The following GPHN variants were observed in gnomAD, a reference collection of about 807,000 sequenced individuals.
The protein encoded by GPHN is gephyrin.
GPHN carries 17 observed loss-of-function variants against 95.5 expected under a neutral mutation model. That is an observed-to-expected ratio of 0.18 (90% CI 0.12 to 0.27). The LOEUF is 0.27. Among genes scored for constraint, GPHN ranks in the 10% least tolerant of loss-of-function variants. GPHN has a pLI of 1.00. For missense variants in GPHN, 660 were observed against 978.1 expected (o/e 0.67, Z 4.34); for synonymous variants, 320 against 322.5 (o/e 0.99, Z 0.08).
the GPHN span, among the ~76,000 whole-genome samples, chr14:67,706,468 C>T: frequency 3.9e-5 from 6 of 152,104 alleles, no homozygotes; most frequent in East Asian, 5.8e-4. Flanking sequence ...TAGGGAGACA[C>T]GGGACATCAA....
At chr14:66,663,439 T>C (rs940781026) in intron 1 of GPHN, among the ~76,000 whole-genome samples, 10 of 152,208 alleles carry the variant, frequency 6.6e-5, no homozygotes, top group African/African-American at 2.4e-4. Flanking sequence ...GGAAATTTGT[T>C]ACCACCACAC....
intron 21 of GPHN, among the ~76,000 whole-genome samples, chr14:67,173,799 C>G (rs1292302028): frequency 6.6e-6 from 1 of 151,716 alleles, no homozygotes; most frequent in South Asian, 2.1e-4. Context: ...TATATACAGA[C>G]AAGTCAACAG....
At chr14:66,549,402 A>T (rs554289406) in intron 1 of GPHN, among the ~76,000 whole-genome samples, 4 of 152,362 alleles carry the variant, frequency 2.6e-5, no homozygotes. Context: ...CATTTTGTTA[A>T]GCCAAAGCTT....
chr14:67,231,277 T>C, the GPHN span, among the ~76,000 whole-genome samples: 1 of 152,332 alleles, frequency 6.6e-6, no homozygotes, highest in East Asian at 1.9e-4. Flanking sequence ...GCCAGGAGGA[T>C]ATTGACTGCA....
At chr14:66,551,994 C>T (rs1464989520) in intron 1 of GPHN, among the ~76,000 whole-genome samples, 2 of 152,132 alleles carry the variant, frequency 1.3e-5, no homozygotes, top group Non-Finnish European at 2.9e-5. Flanking sequence ...CAAAGAGAAA[C>T]CAACCTTTAT....
chr14:66,697,665 T>TC (rs1178186251), intron 2 of GPHN, among the ~76,000 whole-genome samples: 3 of 135,188 alleles, frequency 2.2e-5, no homozygotes, highest in Non-Finnish European at 4.5e-5. Context: ...CTACTTGCCT[T>TC]TTTTTTTTTT....
the GPHN span, chr14:67,571,506 A>G: frequency 2.3e-6 from 1 of 427,362 alleles, no homozygotes; most frequent in African/African-American, 1.9e-5. Flanking sequence ...GCAGGCATTC[A>G]GTCGTGATGG....
intron 5 of GPHN, among the ~76,000 whole-genome samples, chr14:66,904,615 C>G (rs183631921): frequency 2.0e-5 from 3 of 152,286 alleles, no homozygotes; most frequent in African/African-American, 4.8e-5. Context: ...CTTCACCTCT[C>G]AATGCCCCCT....
chr14:67,040,900 C>A (rs753290722), intron 10 of GPHN, among the ~76,000 whole-genome samples: 15 of 152,148 alleles, frequency 9.9e-5, no homozygotes, highest in Non-Finnish European at 1.8e-4. Flanking sequence ...TGCGAGATTT[C>A]TCCACTGTAG....
chr14:67,714,095 A>T, the GPHN span, among the ~76,000 whole-genome samples: 832 of 152,234 alleles, frequency 5.5e-3, 10 homozygotes, highest in African/African-American at 0.019. Context: ...TATTAGATTT[A>T]AAAAAATTGT....
rs1313583984 is a variant in GPHN, at chr14:66,527,265, G to A, written c.64+18674G>A. Among the ~76,000 whole-genome samples the A allele has an allele frequency of 3.9e-5, 6 of 152,120 alleles. No individual in the cohort carries two copies. In the South Asian group the frequency reaches 6.2e-4, roughly 16 times the overall value. Reference sequence around the variant, plus strand: ...TTTTCTAGTTTATTTGCATAGAGGCGTTTATAGTATTCTCTGATGGTAGTT... The same window carrying A: ...TTTTCTAGTTTATTTGCATAGAGGCATTTATAGTATTCTCTGATGGTAGTT... On this transcript the variant is annotated intron_variant, in intron 1 of 22. Coordinates refer to ENST00000478722, the MANE Select transcript of GPHN (RefSeq NM_020806.5).
At position 67,065,221 on chromosome 14, in the gene GPHN, G is replaced by A. The variant is rs568226291; in HGVS notation, c.1144+6435G>A. Among the ~76,000 whole-genome samples the A allele has an allele frequency of 1.1e-4, 17 of 152,278 alleles. No homozygotes were observed. In the South Asian group the frequency reaches 3.3e-3, roughly 30 times the overall value. On this transcript the variant is annotated intron_variant, in intron 11 of 22. Coordinates refer to ENST00000478722, the MANE Select transcript of GPHN (RefSeq NM_020806.5). ...TAGTCATTCAGGAGCAGGTTGTTCA[G>A]TTTCCATGTGCTTGTGCGGTTTTGA...
intron 2 of GPHN, among the ~76,000 whole-genome samples, chr14:66,693,469 G>A (rs565868657): frequency 1.3e-5 from 2 of 152,264 alleles, no homozygotes; most frequent in African/African-American, 4.8e-5. Context: ...TATACATACG[G>A]GATTTATTAG....
Position 66,868,858 on chromosome 14 carries a change from C to T in GPHN, c.295-11081C>T, listed in dbSNP as rs922832403. On this transcript the variant is annotated intron_variant, in intron 4 of 22. Transcript: ENST00000478722. ...TACAGCTTAGCAGTCTTTGAAGCGT[C>T]TTTCTGACTTTAATGTTGTCCTCAA... Among the ~76,000 whole-genome samples the T allele has an allele frequency of 2.0e-5, 3 of 152,048 alleles. No homozygotes were observed. In the South Asian group the frequency reaches 6.2e-4, roughly 31 times the overall value.
At chr14:66,949,483 A>G (rs1014145346) in intron 8 of GPHN, among the ~76,000 whole-genome samples, 1 of 152,184 alleles carries the variant, frequency 6.6e-6, no homozygotes, top group Non-Finnish European at 1.5e-5. Flanking sequence ...GCCTACCTTA[A>G]TGATCTCTAA....
intron 9 of GPHN, among the ~76,000 whole-genome samples, chr14:66,980,248 T>C (rs112722988): frequency 0.015 from 2,305 of 152,248 alleles, 33 homozygotes; most frequent in Non-Finnish European, 0.018. Context: ...TTGTAAAAAA[T>C]GCAATTATCC....
chr14:67,429,380 A>G, the GPHN span, among the ~76,000 whole-genome samples: 5 of 151,250 alleles, frequency 3.3e-5, no homozygotes, highest in Admixed American at 3.3e-4. Context: ...ACAGGCACCC[A>G]CCACCACGCC....
chr14:67,395,016 A>G, the GPHN span, among the ~76,000 whole-genome samples: 1 of 152,254 alleles, frequency 6.6e-6, no homozygotes, highest in African/African-American at 2.4e-5. Context: ...CTATAATGAT[A>G]AGAAATAAAT....
chr14:67,660,608 A>G, the GPHN span, among the ~76,000 whole-genome samples: 1 of 152,188 alleles, frequency 6.6e-6, no homozygotes, highest in African/African-American at 2.4e-5. Flanking sequence ...CTGAAAATCA[A>G]TTAAGTTTGT....
Sources: gnomAD v4.1 joint callset for allele counts (sites outside exome capture counted in the v4.1 genomes callset) on GRCh38, gnomAD v4.1.1 for gene constraint, MANE v1.5 for transcripts, NCBI Gene and HGNC (gene_info 2026-07-23, HGNC 2026-07-21) for gene names.